RERE: variants seen among roughly 807,000 people sequenced by gnomAD.
RERE encodes arginine-glutamic acid dipeptide repeats protein.
Under a neutral mutation model 146.1 loss-of-function variants are expected in RERE, and 40 were observed. That is an observed-to-expected ratio of 0.27 (90% CI 0.21 to 0.36). The LOEUF is 0.36. RERE is among the 10% of genes least tolerant of loss of function. The pLI is 1.00. For missense variants in RERE, 1,933 were observed against 2,138.7 expected, an observed-to-expected ratio of 0.90 and a Z score of 1.90; for synonymous variants, 1,003 against 866.0, an observed-to-expected ratio of 1.16 and a Z score of -2.78.
intron 4 of RERE, among the ~76,000 whole-genome samples, chr1:8,602,320 G>C (rs375278151): frequency 6.6e-6 from 1 of 151,734 alleles, no homozygotes; most frequent in East Asian, 1.9e-4. Context: ...GAACCTGGGA[G>C]GTGAACGCTG....
chr1:8,608,722 T>G (rs1557432205), intron 4 of RERE, among the ~76,000 whole-genome samples: 1 of 152,228 alleles, frequency 6.6e-6, no homozygotes, highest in Admixed American at 6.5e-5. Flanking sequence ...TTATTGATAT[T>G]TGTGATCTAA....
chr1:8,501,206 T>TG (rs1204093533), intron 8 of RERE, among the ~76,000 whole-genome samples: 46 of 96,244 alleles, frequency 4.8e-4, no homozygotes, highest in African/African-American at 6.6e-4. Context: ...GGGAGGGAGG[T>TG]GGGGGGGTCA....
At chr1:8,562,302 AT>A (rs1646087853) in intron 4 of RERE, among the ~76,000 whole-genome samples, 1 of 152,174 alleles carries the variant, frequency 6.6e-6, no homozygotes, top group Non-Finnish European at 1.5e-5. Context: ...AATAAGCCTC[AT>A]TTTTTACTAC....
chr1:8,399,403 C>T (rs1003719551), intron 12 of RERE, among the ~76,000 whole-genome samples: 1 of 152,056 alleles, frequency 6.6e-6, no homozygotes, highest in Non-Finnish European at 1.5e-5. Context: ...TCCCATATGC[C>T]AGCTAAGCCC....
intron 1 of RERE, among the ~76,000 whole-genome samples, chr1:8,722,369 G>A (rs548423708): frequency 7.9e-5 from 12 of 152,238 alleles, no homozygotes; most frequent in Middle Eastern, 3.4e-3. Flanking sequence ...TAATGACAGC[G>A]ATACTAATAT....
chr1:8,388,598 C>A (rs986522587), intron 12 of RERE, among the ~76,000 whole-genome samples: 1 of 152,160 alleles, frequency 6.6e-6, no homozygotes, highest in African/African-American at 2.4e-5. Context: ...GGATTACAGG[C>A]GTGAGCCACC....
At chr1:8,731,644 A>C (rs1019892682) in intron 1 of RERE, among the ~76,000 whole-genome samples, 1 of 152,200 alleles carries the variant, frequency 6.6e-6, no homozygotes, top group African/African-American at 2.4e-5. Flanking sequence ...ACTCTATTTA[A>C]GAAGGAGTTC....
At chr1:8,748,686 C>T (rs896382262) in intron 1 of RERE, among the ~76,000 whole-genome samples, 5 of 152,162 alleles carry the variant, frequency 3.3e-5, no homozygotes, top group Non-Finnish European at 5.9e-5. Context: ...TCATTAATAT[C>T]GCCAAGTACG....
chr1:8,498,032 TACCAA>T (rs1645068644), intron 8 of RERE, among the ~76,000 whole-genome samples: 1 of 152,194 alleles, frequency 6.6e-6, no homozygotes, highest in Non-Finnish European at 1.5e-5. Context: ...TCATGGTCAA[TACCAA>T]AACTAGATGA....
intron 6 of RERE, among the ~76,000 whole-genome samples, chr1:8,552,145 A>G (rs1258477352): frequency 6.6e-6 from 1 of 152,256 alleles, no homozygotes; most frequent in Non-Finnish European, 1.5e-5. Flanking sequence ...CTCTGGTAGG[A>G]AAAAGCTATA....
intron 7 of RERE, among the ~76,000 whole-genome samples, chr1:8,510,762 C>G (rs1008637835): frequency 9.9e-5 from 14 of 141,478 alleles, no homozygotes; most frequent in Admixed American, 7.5e-4. Context: ...TTTCAGAAAC[C>G]TTCAGCCACA....
chr1:8,683,861 G>A (rs1198172439), intron 1 of RERE, among the ~76,000 whole-genome samples: 2 of 152,156 alleles, frequency 1.3e-5, no homozygotes, highest in African/African-American at 4.8e-5. Context: ...AGAATTGCTT[G>A]AACCTGGGAG....
At chr1:8,489,258 G>T (rs1031177901) in intron 10 of RERE, among the ~76,000 whole-genome samples, 1 of 152,030 alleles carries the variant, frequency 6.6e-6, no homozygotes, top group Non-Finnish European at 1.5e-5. Context: ...TACTCAGGAG[G>T]TTGAGGCAGG....
Position 8,356,301 on chromosome 1 carries a change from T to G in RERE, c.4340-55A>C. 1 of 1,448,158 alleles carries G rather than the reference T, an allele frequency of 6.9e-7. No homozygotes were observed. Among genetic ancestry groups the G allele is most frequent in the South Asian group, 1.5e-5 (1 of 67,970 alleles). The allele number at this position is 1,448,158 out of a possible 1,614,324, so 89.7% of individuals were successfully genotyped here. A position where few individuals can be genotyped will look rare whatever the true frequency, so the allele number is the denominator to read the frequency against. On this transcript the variant is annotated intron_variant, in intron 20 of 22. Coordinates refer to ENST00000400908, the MANE Select transcript of RERE (RefSeq NM_001042681.2). This position sits in a 1 kb window ranked among gnomAD's most constrained non-coding sequence, Gnocchi z 5.2. ...GCGGTGTGCAGCTCTTCAATGTTTG[T>G]CCCCCTTGGCTGGAATGACCGATGA... is the stretch of plus-strand genomic sequence containing the variant.
chr1:8,779,393 T>C (rs557451418), intron 1 of RERE, among the ~76,000 whole-genome samples: 36 of 151,712 alleles, frequency 2.4e-4, no homozygotes, highest in Non-Finnish European at 4.9e-4. Context: ...CTGGGCACGG[T>C]GGCTCACACC....
chr1:8,430,111 C>A (rs1644076003), intron 11 of RERE: 1 of 152,234 alleles, frequency 6.6e-6, no homozygotes, highest in South Asian at 2.1e-4. Context: ...CCATATCATC[C>A]TGTTGGTTGC....
chr1:8,495,926 G>A (rs2124236508), intron 9 of RERE, among the ~76,000 whole-genome samples: 1 of 152,192 alleles, frequency 6.6e-6, no homozygotes, highest in Admixed American at 6.5e-5. Context: ...CGTAATCCCA[G>A]CACTCTGGGA....
At chr1:8,682,818 G>A (rs995489402) in intron 1 of RERE, among the ~76,000 whole-genome samples, 1 of 151,992 alleles carries the variant, frequency 6.6e-6, no homozygotes, top group African/African-American at 2.4e-5. Flanking sequence ...TTTCAACCCA[G>A]TCTTTATTAG....
At chr1:8,448,843 A>G (rs1207146991) in intron 11 of RERE, among the ~76,000 whole-genome samples, 2 of 151,860 alleles carry the variant, frequency 1.3e-5, no homozygotes, top group Non-Finnish European at 2.9e-5. Context: ...AATCAATCAA[A>G]CAAACAAACA....
Sources: gnomAD v4.1 joint callset for allele counts (sites outside exome capture counted in the v4.1 genomes callset) on GRCh38, gnomAD v4.1.1 for gene constraint, Gnocchi (gnomAD v3.1) non-coding constraint, MANE v1.5 for transcripts, NCBI Gene and HGNC (gene_info 2026-07-23, HGNC 2026-07-21) for gene names.